LTF: variants seen among roughly 807,000 people sequenced by gnomAD.
The protein encoded by LTF is lactotransferrin, also known as epididymis luminal protein 110.
In LTF, 91 loss-of-function variants were observed where a neutral mutation model predicts 87.2. The observed-to-expected ratio is 1.04, with a 90% CI of 0.88 to 1.24. LTF has a LOEUF of 1.24. LTF is among the 50% of genes most tolerant of loss of function. The probability of loss-of-function intolerance (pLI) is 0.00; values close to 1 mark genes in which losing one functional copy is unlikely to be tolerated. For missense variants in LTF, 901 were observed against 904.3 expected, an observed-to-expected ratio of 1.00 and a Z score of 0.05; for synonymous variants, 378 against 356.1, an observed-to-expected ratio of 1.06 and a Z score of -0.69.
intron 1 of LTF, among the ~76,000 whole-genome samples, chr3:46,474,127 T>G (rs2106921370): frequency 6.6e-6 from 1 of 152,092 alleles, no homozygotes; most frequent in South Asian, 2.1e-4. Context: ...ATTACATAAG[T>G]AAATAGTCTA....
At chr3:46,462,416 TG>T (rs1703105334) in intron 1 of LTF, among the ~76,000 whole-genome samples, 1 of 152,126 alleles carries the variant, frequency 6.6e-6, no homozygotes, top group African/African-American at 2.4e-5. Context: ...GAGGGAGCTA[TG>T]GCTTTAACTA....
In LTF at chr3:46,445,421, G is replaced by T; in HGVS notation, c.1373C>A (p.Ala458Glu). The T allele has an allele frequency of 6.2e-7, 1 of 1,611,606 alleles. No homozygotes were observed. Residue 458 changes from alanine to glutamate, a missense_variant, in exon 12 of 17, where the codon GCG becomes GAG. By Grantham distance (107) the Ala-to-Glu change is moderately radical. Transcript: ENST00000231751. ...GCTAGTGTCTGATCTCCTAACCACC[G>T]CCACAGCAAGATATCCTGGCATAAC... is the stretch of plus-strand genomic sequence containing the variant. ...DRPVEGYLAVAVVRRSDTSLT... is the reference protein window; with the variant it reads ...DRPVEGYLAVEVVRRSDTSLT...
At chr3:46,472,488 T>TTGTGTGTGTGTGTGTGTGTG (rs34825595) in intron 1 of LTF, among the ~76,000 whole-genome samples, 2 of 106,888 alleles carry the variant, frequency 1.9e-5, no homozygotes, top group African/African-American at 7.8e-5. Context: ...GAAAAGATTA[T>TTGTGTGTGTGTGTGTGTGTG]TGTGTGTGTG....
chr3:46,465,680 A>T (rs1181715216), upstream of LTF, among the ~76,000 whole-genome samples: 1 of 152,024 alleles, frequency 6.6e-6, no homozygotes, highest in East Asian at 1.9e-4. Context: ...GGAAATGGTA[A>T]CCTCATTTTA....
At chr3:46,443,174 A>G (rs1192253955) in intron 13 of LTF, among the ~76,000 whole-genome samples, 1 of 152,224 alleles carries the variant, frequency 6.6e-6, no homozygotes, top group Non-Finnish European at 1.5e-5. Context: ...GGACGAGGCT[A>G]TTGAGGCCTA....
At chr3:46,453,862 C>A (rs868493471) in intron 6 of LTF, among the ~76,000 whole-genome samples, 1 of 152,146 alleles carries the variant, frequency 6.6e-6, no homozygotes, top group Non-Finnish European at 1.5e-5. Flanking sequence ...ATGTATTCCA[C>A]GGAACACTCC....
chr3:46,450,959 C>T (rs889676209), intron 6 of LTF, among the ~76,000 whole-genome samples: 4 of 152,186 alleles, frequency 2.6e-5, no homozygotes, highest in Admixed American at 2.0e-4. Flanking sequence ...AAACCAGACC[C>T]GTCTGTTTCT....
chr3:46,450,391 G>T, intron 7 of LTF, 104 bp downstream of exon 7: 1 of 1,258,258 alleles, frequency 7.9e-7, no homozygotes, highest in Non-Finnish European at 1.1e-6. Context: ...CTATCCTGCA[G>T]CAAAGCTACA....
rs1478886987 is a variant in LTF at position 46,442,946 on chromosome 3, T to C, written c.1655+495A>G. On this transcript the variant is annotated intron_variant, in intron 13 of 16. Coordinates refer to ENST00000231751, the MANE Select transcript of LTF (RefSeq NM_002343.6). ...TAACTTATGAATTCTGAAAACTTGT[T>C]TTTTGGCTTATTTTTCACTTCGTTA... Among the ~76,000 whole-genome samples, 3 of 152,180 alleles carry C rather than the reference T, an allele frequency of 2.0e-5. 1 individual carries two copies. The highest frequency in any genetic ancestry group is 2.0e-4 in the Admixed American group (3 of 15,282).
At chr3:46,483,470 T>C (rs753526492) in intron 1 of LTF, among the ~76,000 whole-genome samples, 10 of 152,252 alleles carry the variant, frequency 6.6e-5, no homozygotes, top group East Asian at 1.9e-4. Flanking sequence ...CCCACGACAA[T>C]ATGGTTGAAT....
chr3:46,446,417 G>A, intron 11 of LTF, 23 bp downstream of exon 11: 1 of 1,603,950 alleles, frequency 6.2e-7, no homozygotes, highest in Non-Finnish European at 8.5e-7. Flanking sequence ...CCTTGACCCT[G>A]AAAGTGGCTA....
At chr3:46,460,434 C>T (rs1285648805) in intron 1 of LTF, 1 of 377,364 alleles carries the variant, frequency 2.6e-6, no homozygotes, top group Non-Finnish European at 5.3e-6. Flanking sequence ...TACCACCATT[C>T]ACTCTGCACA....
At position 46,447,324 on chromosome 3, in the gene LTF, G is replaced by A. The variant is rs149744272; in HGVS notation, c.1287C>T (p.Val429=). Reference sequence around the variant, plus strand: ...TCCACTTACTGTAGTTCTCTGCCAGGACAGGCACCAAACCACATTTGCCTG... The same window carrying A: ...TCCACTTACTGTAGTTCTCTGCCAGAACAGGCACCAAACCACATTTGCCTG... ...YTAGKCGLVP[V]LAENYKSQQS... is the part of the protein sequence containing the mutation. The change falls in exon 10 of 17, where the codon GTC becomes GTT. Residue 429 remains valine, a synonymous_variant. Coordinates refer to ENST00000231751, the MANE Select transcript of LTF (RefSeq NM_002343.6). 3.6e-4 allele frequency: 583 copies of A among 1,613,896 alleles called. 2 individuals are homozygous for A. Among genetic ancestry groups the A allele is most frequent in the Middle Eastern group, 3.0e-3 (18 of 6,062 alleles).
chr3:46,467,392 T>C (rs980775358), upstream of LTF, among the ~76,000 whole-genome samples: 3 of 151,602 alleles, frequency 2.0e-5, no homozygotes, highest in Admixed American at 1.3e-4. Context: ...ATAAAGCAAG[T>C]GAGTGTGAGG....
intron 10 of LTF, 109 bp from the exon 11 acceptor site, chr3:46,446,602 G>A: frequency 2.4e-6 from 2 of 842,468 alleles, no homozygotes; most frequent in South Asian, 3.3e-5. Context: ...GACCGTCCCA[G>A]CAGTTCCATG....
At chr3:46,477,666 T>C (rs1575329012) in intron 1 of LTF, among the ~76,000 whole-genome samples, 1 of 152,234 alleles carries the variant, frequency 6.6e-6, no homozygotes, top group East Asian at 1.9e-4. Flanking sequence ...GCCCAGCACA[T>C]AGGGGCTGCT....
At chr3:46,455,142 C>T (rs1702894669) in intron 5 of LTF, among the ~76,000 whole-genome samples, 153 bp downstream of exon 5, 2 of 152,202 alleles carry the variant, frequency 1.3e-5, no homozygotes, top group African/African-American at 4.8e-5. Flanking sequence ...ACTGGGCAGG[C>T]CTGCACTCTC....
At chr3:46,440,557 G>C (rs1053154128) in intron 14 of LTF, among the ~76,000 whole-genome samples, 1 of 152,126 alleles carries the variant, frequency 6.6e-6, no homozygotes, top group Non-Finnish European at 1.5e-5. Flanking sequence ...TTGTCTCTCT[G>C]CTCTCTCCCT....
rs1397016912 is a variant in LTF, at chr3:46,455,972, C to T, written c.323G>A (p.Arg108Gln). Residue 108 changes from arginine (R) to glutamine (Q), a missense_variant, in exon 4 of 17, where the codon CGA becomes CAA. Arg to Gln is a conservative substitution (Grantham distance 43). Coordinates refer to ENST00000231751, the MANE Select transcript of LTF (RefSeq NM_002343.6). ...AEVYGTERQP[R>Q]THYYAVAVVK... ...CACAGCCACGGCATAATAGTGAGTT[C>T]GTGGCTCTGCAAAGGGGCAGACAGA... 25 of 1,579,838 alleles carry T rather than the reference C, an allele frequency of 1.6e-5. No individual in the cohort carries two copies. The South Asian group carries it at 1.9e-4, about 12-fold the overall frequency.
Sources: gnomAD v4.1 joint callset for allele counts (sites outside exome capture counted in the v4.1 genomes callset) on GRCh38, gnomAD v4.1.1 for gene constraint, MANE v1.5 for transcripts, NCBI Gene and HGNC (gene_info 2026-07-23, HGNC 2026-07-21) for gene names.